The following PPP2R2B variants were observed in gnomAD, a reference collection of about 807,000 sequenced individuals.
The protein encoded by PPP2R2B is protein phosphatase 2 regulatory subunit Bbeta.
PPP2R2B carries 5 observed loss-of-function variants against 46.0 expected under a neutral mutation model. The ratio of observed to expected loss-of-function variants is 0.11; its 90% CI spans 0.06 to 0.23. The LOEUF is 0.23. Ranked by LOEUF, PPP2R2B falls within the 10% of genes least tolerant of loss-of-function variation. The pLI, the probability that PPP2R2B is intolerant of heterozygous loss-of-function variation, is 1.00. For missense variants in PPP2R2B, 367 were observed against 575.0 expected, an observed-to-expected ratio of 0.64 and a Z score of 3.70; for synonymous variants, 215 against 206.7, an observed-to-expected ratio of 1.04 and a Z score of -0.34.
At chr5:146,596,940 T>C (rs929379354) in intron 8 of PPP2R2B, among the ~76,000 whole-genome samples, 2 of 152,212 alleles carry the variant, frequency 1.3e-5, no homozygotes, top group Non-Finnish European at 2.9e-5. Context: ...CTTTCCTTCT[T>C]CTTCCTCTGA....
intron 2 of PPP2R2B, among the ~76,000 whole-genome samples, chr5:146,750,782 A>T (rs1263947002): frequency 6.6e-6 from 1 of 152,144 alleles, no homozygotes; most frequent in African/African-American, 2.4e-5. Flanking sequence ...TCTATTTTTT[A>T]AAAAACCTAA....
At chr5:146,921,454 G>T (rs983920335) in intron 1 of PPP2R2B, among the ~76,000 whole-genome samples, 2 of 152,122 alleles carry the variant, frequency 1.3e-5, no homozygotes, top group South Asian at 4.1e-4. Context: ...CCAGCAACTC[G>T]CATTCCCTAG....
chr5:146,893,765 C>T lies in PPP2R2B; in HGVS notation c.79+161900G>A, dbSNP rs138637476. 1.2e-3 allele frequency among the ~76,000 whole-genome samples: 187 copies of T among 151,586 alleles called. 3 individuals are homozygous for T. The East Asian group carries it at 0.02, about 16-fold the overall frequency. ...CATTAGGACAAATACCTAATGCATG[C>T]GGGGCTTAAAACTTAGAAGACAGGT... On this transcript the variant is annotated intron_variant, in intron 1 of 8. Coordinates refer to the PPP2R2B transcript ENST00000336640.
intron 5 of PPP2R2B, among the ~76,000 whole-genome samples, chr5:146,686,268 G>C (rs951743424): frequency 7.2e-5 from 11 of 152,312 alleles, no homozygotes; most frequent in African/African-American, 2.6e-4. Flanking sequence ...CAGTTTACTG[G>C]GGGTGAAGAG....
At chr5:146,752,299 A>AG (rs1406388717) in intron 2 of PPP2R2B, among the ~76,000 whole-genome samples, 1 of 151,952 alleles carries the variant, frequency 6.6e-6, no homozygotes, top group Admixed American at 6.6e-5. Context: ...ACATTTATTG[A>AG]GATGAAAAAA....
rs754079567 is a variant in PPP2R2B, at chr5:146,701,108, C to T, written c.105G>A (p.Thr35=). The change falls in exon 3 of 10, where the codon ACG becomes ACA. Residue 35 remains threonine (T), a synonymous_variant. Transcript: ENST00000394411. ...TGTCCCCTGTCGCTAGTAATTCTCC[C>T]GTGTGGTTGAATTCTACCGTAGAGA... ...DIISTVEFNH[T]GELLATGDKG... 1.1e-5 allele frequency: 17 copies of T among 1,614,002 alleles called. No individual in the cohort carries two copies. Among genetic ancestry groups the T allele is most frequent in the Non-Finnish European group, 1.3e-5 (15 of 1,179,926 alleles).
intron 2 of PPP2R2B, among the ~76,000 whole-genome samples, chr5:147,074,239 A>C (rs1425090379): frequency 6.6e-6 from 1 of 152,148 alleles, no homozygotes; most frequent in Non-Finnish European, 1.5e-5. Context: ...TAACTGAACC[A>C]AGTTTAAAGT....
At chr5:146,681,373 G>T (rs948612192) in intron 5 of PPP2R2B, among the ~76,000 whole-genome samples, 1 of 152,126 alleles carries the variant, frequency 6.6e-6, no homozygotes, top group African/African-American at 2.4e-5. Context: ...CTTGGGTGTT[G>T]TATGCCATGT....
At chr5:146,927,725 C>G (rs1452328635) in intron 1 of PPP2R2B, among the ~76,000 whole-genome samples, 1 of 151,866 alleles carries the variant, frequency 6.6e-6, no homozygotes, top group Non-Finnish European at 1.5e-5. Flanking sequence ...GACCTTGTAG[C>G]CATACTTTCT....
chr5:146,899,238 T>C (rs1455323193), intron 1 of PPP2R2B, among the ~76,000 whole-genome samples: 6 of 146,562 alleles, frequency 4.1e-5, no homozygotes, highest in Non-Finnish European at 7.4e-5. Flanking sequence ...TGTCCAAGAA[T>C]GATAGACTGG....
chr5:147,064,562 G>A (rs796632592), intron 2 of PPP2R2B, among the ~76,000 whole-genome samples: 10 of 152,300 alleles, frequency 6.6e-5, no homozygotes, highest in African/African-American at 2.2e-4. Flanking sequence ...GCAGCATAAC[G>A]AGGGTAAATA....
At chr5:146,851,900 A>C (rs1419787361) in intron 2 of PPP2R2B, among the ~76,000 whole-genome samples, 1 of 152,034 alleles carries the variant, frequency 6.6e-6, no homozygotes, top group Non-Finnish European at 1.5e-5. Flanking sequence ...AGAAGTTGTA[A>C]ATTTTTCAGA....
At chr5:146,903,032 G>A (rs953671164) in intron 1 of PPP2R2B, among the ~76,000 whole-genome samples, 4 of 152,174 alleles carry the variant, frequency 2.6e-5, no homozygotes, top group Admixed American at 2.0e-4. Flanking sequence ...TGTGATATGC[G>A]ATATTACAAC....
chr5:146,644,505 A>G (rs995309562), intron 6 of PPP2R2B, among the ~76,000 whole-genome samples: 3 of 152,232 alleles, frequency 2.0e-5, no homozygotes, highest in Admixed American at 6.5e-5. Flanking sequence ...ATTAAAAAAT[A>G]GCAGTTTCCC....
At chr5:147,010,258 A>T (rs1047212997) in intron 1 of PPP2R2B, among the ~76,000 whole-genome samples, 1 of 152,186 alleles carries the variant, frequency 6.6e-6, no homozygotes, top group Non-Finnish European at 1.5e-5. Flanking sequence ...CGTTTTTGGC[A>T]CCAGGGGCCG....
At chr5:146,736,614 C>T (rs1176739755) in intron 2 of PPP2R2B, among the ~76,000 whole-genome samples, 1 of 152,166 alleles carries the variant, frequency 6.6e-6, no homozygotes, top group Non-Finnish European at 1.5e-5. Flanking sequence ...ACATCTCTGC[C>T]ATCTTCTTCC....
chr5:146,623,853 G>A (rs952785892), intron 7 of PPP2R2B, among the ~76,000 whole-genome samples: 1 of 152,146 alleles, frequency 6.6e-6, no homozygotes, highest in Non-Finnish European at 1.5e-5. Context: ...TGATGGGGCT[G>A]GAAGCTGCTT....
chr5:146,971,082 T>A (rs558486611), intron 1 of PPP2R2B, among the ~76,000 whole-genome samples: 2 of 152,350 alleles, frequency 1.3e-5, no homozygotes, highest in South Asian at 4.1e-4. Flanking sequence ...TATCTTATAA[T>A]CAGTGGTATT....
At chr5:147,074,930 C>G (rs905352519) in intron 2 of PPP2R2B, among the ~76,000 whole-genome samples, 22 of 152,164 alleles carry the variant, frequency 1.4e-4, no homozygotes, top group African/African-American at 5.1e-4. Flanking sequence ...ATAAATGCCA[C>G]AATTATTTCC....
Sources: allele counts gnomAD v4.1 joint callset (sites outside exome capture counted in the v4.1 genomes callset), GRCh38; gene constraint gnomAD v4.1.1; transcripts MANE v1.5; gene names NCBI Gene and HGNC (gene_info 2026-07-23, HGNC 2026-07-21).